BLTP1: variants seen among roughly 807,000 people sequenced by gnomAD.
BLTP1 encodes fragile site-associated protein.
At chr4:122,353,709 C>T in the BLTP1 span, 1 of 1,281,824 alleles carries the variant, frequency 7.8e-7, no homozygotes, top group Admixed American at 2.8e-5. The surrounding 1 kb of genome is among the most constrained non-coding windows in gnomAD (Gnocchi z 4.3). Context: ...ATTTTTATAG[C>T]CTTCCTATAT....
chr4:122,159,498 G>A, the BLTP1 span, among the ~76,000 whole-genome samples: 2 of 151,908 alleles, frequency 1.3e-5, no homozygotes, highest in Admixed American at 1.3e-4. Flanking sequence ...CTTATTGTAA[G>A]GAATGAAATA....
chr4:122,361,930 C>T, the BLTP1 span: 2 of 1,360,422 alleles, frequency 1.5e-6, no homozygotes, highest in South Asian at 1.5e-5. Flanking sequence ...AATATTTTGT[C>T]TTGAGTATAT....
the BLTP1 span, chr4:122,237,524 T>C: frequency 4.6e-6 from 2 of 430,746 alleles, no homozygotes; most frequent in Non-Finnish European, 6.2e-6. Context: ...TTAAAATAAG[T>C]AAATCCGAAT....
chr4:122,188,011 T>G, the BLTP1 span: 6 of 1,591,054 alleles, frequency 3.8e-6, no homozygotes, highest in Non-Finnish European at 5.1e-6. Flanking sequence ...AATTCATGCA[T>G]ATTGTGAAAG....
At chr4:122,309,273 A>C in the BLTP1 span, 2 of 1,611,810 alleles carry the variant, frequency 1.2e-6, no homozygotes, top group Admixed American at 1.7e-5. Flanking sequence ...CAGTCTAATC[A>C]TACTGGAGAC....
the BLTP1 span, chr4:122,349,171 G>A: frequency 3.7e-6 from 6 of 1,609,598 alleles, no homozygotes; most frequent in Non-Finnish European, 5.1e-6. The surrounding 1 kb of genome is among the most constrained non-coding windows in gnomAD (Gnocchi z 4.5). Flanking sequence ...GACAACTAGT[G>A]GTTTGAAGAG....
the BLTP1 span, chr4:122,306,658 A>C: frequency 2.1e-6 from 2 of 949,640 alleles, no homozygotes; most frequent in Non-Finnish European, 2.5e-6. Flanking sequence ...GAACGAAATA[A>C]ACATTGAGTA....
At chr4:122,225,328 GTAT>G in the BLTP1 span, 1 of 152,266 alleles carries the variant, frequency 6.6e-6, no homozygotes, top group Non-Finnish European at 1.5e-5. Flanking sequence ...AAGCCTTAAT[GTAT>G]TATTTGTTTC....
the BLTP1 span, chr4:122,154,147 A>G: frequency 3.4e-6 from 2 of 585,982 alleles, no homozygotes; most frequent in Non-Finnish European, 4.1e-6. Flanking sequence ...AAAAGGTCAA[A>G]TTTTCGGTTA....
the BLTP1 span, among the ~76,000 whole-genome samples, chr4:122,278,219 A>C: frequency 1.5e-4 from 23 of 152,270 alleles, no homozygotes; most frequent in South Asian, 4.3e-3. Context: ...CATCAAGTTC[A>C]AGACACTTTT....
chr4:122,177,771 A>G, the BLTP1 span, among the ~76,000 whole-genome samples: 10 of 152,200 alleles, frequency 6.6e-5, no homozygotes, highest in East Asian at 1.7e-3. Flanking sequence ...TCCTCTATCA[A>G]TGAAGCTTTT....
At chr4:122,351,128 T>A in the BLTP1 span, 8 of 181,874 alleles carry the variant, frequency 4.4e-5, no homozygotes, top group Non-Finnish European at 8.4e-5. Flanking sequence ...ATTGCAAGAG[T>A]CCAGGCAAGA....
the BLTP1 span, among the ~76,000 whole-genome samples, chr4:122,320,582 C>G: frequency 6.6e-6 from 1 of 152,130 alleles, no homozygotes; most frequent in South Asian, 2.1e-4. Flanking sequence ...TCTGCTCTGT[C>G]TGAAATTAAT....
At chr4:122,214,358 A>G in the BLTP1 span, 2 of 938,866 alleles carry the variant, frequency 2.1e-6, no homozygotes, top group Non-Finnish European at 2.5e-6. Flanking sequence ...CATAATGTAA[A>G]TTTGACAAAA....
chr4:122,201,978 G>T, the BLTP1 span: 1 of 559,544 alleles, frequency 1.8e-6, no homozygotes, highest in Non-Finnish European at 2.3e-6. Flanking sequence ...TTGTGTAAAT[G>T]ATTTCACTGT....
At chr4:122,245,060 C>T in the BLTP1 span, 2 of 1,612,358 alleles carry the variant, frequency 1.2e-6, no homozygotes, top group African/African-American at 2.7e-5. Flanking sequence ...TACCCGACAT[C>T]CAGCTGCAAT....
chr4:122,207,935 T>A, the BLTP1 span: 1 of 983,188 alleles, frequency 1.0e-6, no homozygotes, highest in Non-Finnish European at 1.2e-6. Flanking sequence ...GTTTACTAAT[T>A]CATATGAACT....
the BLTP1 span, chr4:122,277,449 T>G: frequency 1.0e-6 from 1 of 983,626 alleles, no homozygotes; most frequent in Non-Finnish European, 1.2e-6. Context: ...ACAGTTGTAG[T>G]GGTAGAAGTC....
the BLTP1 span, chr4:122,207,665 T>A: frequency 6.7e-7 from 1 of 1,485,622 alleles, no homozygotes; most frequent in Non-Finnish European, 9.4e-7. Context: ...GCATTATTTA[T>A]TCCACAGGTG....
Sources: gnomAD v4.1 joint callset for allele counts (sites outside exome capture counted in the v4.1 genomes callset) on GRCh38, gnomAD v4.1.1 for gene constraint, Gnocchi (gnomAD v3.1) non-coding constraint, MANE v1.5 for transcripts, NCBI Gene and HGNC (gene_info 2026-07-23, HGNC 2026-07-21) for gene names.